The following TRPV4 variants were observed in gnomAD, a reference collection of about 807,000 sequenced individuals.
TRPV4 encodes the protein transient receptor potential cation channel subfamily V member 4.
A neutral mutation model predicts 84.1 loss-of-function variants in TRPV4; 58 were observed. That is an observed-to-expected ratio of 0.69 (90% CI 0.56 to 0.86). TRPV4 has a LOEUF of 0.86. Among genes scored for constraint, TRPV4 ranks in the 40% least tolerant of loss-of-function variants. TRPV4 has a pLI of 0.00. For missense variants in TRPV4, 879 were observed against 1,181.1 expected (o/e 0.74, Z 3.75); for synonymous variants, 489 against 500.9 (o/e 0.98, Z 0.32).
At chr12:109,805,339 G>T (rs1192034683) in intron 3 of TRPV4, among the ~76,000 whole-genome samples, 1 of 152,190 alleles carries the variant, frequency 6.6e-6, no homozygotes, top group Non-Finnish European at 1.5e-5. Context: ...AGAGACCCTG[G>T]ATTCGGGCTT....
intron 8 of TRPV4, 68 bp from the exon 9 acceptor site, chr12:109,794,090 T>G: frequency 1.5e-6 from 2 of 1,361,276 alleles, no homozygotes; most frequent in African/African-American, 1.4e-5. Flanking sequence ...AATCCAGATG[T>G]TCCCCCAGGC....
At position 109,786,974 on chromosome 12, in the gene TRPV4, G is replaced by T; in HGVS notation, c.2209-137C>A. The T allele has an allele frequency of 7.9e-7, 1 of 1,266,928 alleles. No individual in the cohort carries two copies. The highest frequency in any genetic ancestry group is 1.1e-6 in the Non-Finnish European group (1 of 904,092). The allele number at this position is 1,266,928 out of a possible 1,614,324, so 78.5% of individuals were successfully genotyped here. On this transcript the variant is annotated intron_variant, in intron 13 of 15. Coordinates refer to ENST00000261740, the MANE Select transcript of TRPV4 (RefSeq NM_021625.5). This position sits in a 1 kb window ranked among gnomAD's most constrained non-coding sequence, Gnocchi z 4.5. ...AGACTCCTACTCCCCACTAGACACA[G>T]GGTTTATAAACTCAAATACCCACAG...
At position 109,793,363 on chromosome 12, in the gene TRPV4, G is replaced by A; in HGVS notation, c.1658+164C>T. Reference sequence around the variant, plus strand: ...AGCAATCAGAATTTTTCTTGAACCAGAAGACCCTATTGTTTGTGGCTTTGT... The same window carrying A: ...AGCAATCAGAATTTTTCTTGAACCAAAAGACCCTATTGTTTGTGGCTTTGT... On this transcript the variant is annotated intron_variant, in intron 10 of 15. Transcript: ENST00000261740. This position sits in a 1 kb window ranked among gnomAD's most constrained non-coding sequence, Gnocchi z 4.0. 2.9e-6 allele frequency: 2 copies of A among 690,840 alleles called. No homozygotes were observed. The highest frequency in any genetic ancestry group is 5.3e-6 in the Non-Finnish European group (2 of 376,908). The allele number at this position is 690,840 out of a possible 1,614,324, so 42.8% of individuals were successfully genotyped here. A position where few individuals can be genotyped will look rare whatever the true frequency, so the allele number is the denominator to read the frequency against.
At chr12:109,797,654 T>C (rs1890491209) in intron 6 of TRPV4, among the ~76,000 whole-genome samples, 1 of 152,202 alleles carries the variant, frequency 6.6e-6, no homozygotes, top group African/African-American at 2.4e-5. Flanking sequence ...TTCTACTGCC[T>C]CAGGGCCATG....
At chr12:109,804,881 T>C (rs959632930) in intron 3 of TRPV4, among the ~76,000 whole-genome samples, 1 of 152,184 alleles carries the variant, frequency 6.6e-6, no homozygotes, top group Admixed American at 6.5e-5. Flanking sequence ...CAGACTGCAA[T>C]AGACCACGGT....
intron 1 of TRPV4, among the ~76,000 whole-genome samples, chr12:109,818,000 G>C (rs529991336): frequency 6.6e-6 from 1 of 151,898 alleles, no homozygotes. Context: ...TAGGTACTGC[G>C]ATCGTTCCCA....
chr12:109,814,662 G>A lies in TRPV4; in HGVS notation c.135C>T (p.Gly45=), dbSNP rs1275320586. 6.2e-7 allele frequency: 1 copy of A among 1,613,282 alleles called. No individual in the cohort carries two copies. The highest frequency in any genetic ancestry group is 1.7e-5 in the Admixed American group (1 of 59,960). ...SLANLFEGED[G]SLSPSPADAS... ...CATCAGCCGGTGAGGGCGAAAGGGA[G>A]CCATCCTCCCCCTCAAACAGATTGG... The change falls in exon 2 of 16, where the codon GGC becomes GGT. Residue 45 remains glycine, a synonymous_variant. Transcript: ENST00000261740. The surrounding 1 kb of genome is among the most constrained non-coding windows in gnomAD (Gnocchi z 5.4).
At position 109,792,682 on chromosome 12, in the gene TRPV4, C is replaced by T; in HGVS notation, c.1794G>A (p.Leu598=). Residue 598 remains leucine, a synonymous_variant, in exon 11 of 16, where the codon CTG becomes CTA. Coordinates refer to ENST00000261740, the MANE Select transcript of TRPV4 (RefSeq NM_021625.5). ...NALYFTRGLK[L]TGTYSIMIQK... ...GGATCATGATGCTATAGGTCCCCGT[C>T]AGCTTCAGCCCACGGGTGAAGTAAA... is the stretch of plus-strand genomic sequence containing the variant. 6.2e-7 allele frequency: 1 copy of T among 1,614,184 alleles called. No individual in the cohort carries two copies. Among genetic ancestry groups the T allele is most frequent in the Non-Finnish European group, 8.5e-7 (1 of 1,180,040 alleles).
At chr12:109,792,629 C>T in intron 11 of TRPV4, 23 bp downstream of exon 11, 1 of 1,614,042 alleles carries the variant, frequency 6.2e-7, no homozygotes, top group Non-Finnish European at 8.5e-7. Flanking sequence ...CACACGAGTC[C>T]AGAGGGTCCT....
chr12:109,812,039 T>C (rs2136639171), intron 2 of TRPV4, among the ~76,000 whole-genome samples: 1 of 152,218 alleles, frequency 6.6e-6, no homozygotes, highest in Admixed American at 6.5e-5. Context: ...TGCCAAAAGC[T>C]TGTGGAAGTC....
rs944345005 is a variant in TRPV4, at chr12:109,793,281, T to C, written c.1658+246A>G. ...CACTTCAGGCAGACATTAGCAATCA[T>C]TCACCAGCATAAGAGGTTAAAATTA... is the stretch of plus-strand genomic sequence containing the variant. On this transcript the variant is annotated intron_variant, in intron 10 of 15. Coordinates refer to ENST00000261740, the MANE Select transcript of TRPV4 (RefSeq NM_021625.5). This position sits in a 1 kb window ranked among gnomAD's most constrained non-coding sequence, Gnocchi z 4.0. Among the ~76,000 whole-genome samples the C allele has an allele frequency of 1.4e-4, 21 of 152,216 alleles. No homozygotes were observed. Among genetic ancestry groups the C allele is most frequent in the African/African-American group, 5.1e-4 (21 of 41,460 alleles).
Position 109,798,727 on chromosome 12 carries a change from C to G in TRPV4, c.1039G>C (p.Asp347His), listed in dbSNP as rs1006063188. The G allele has an allele frequency of 4.3e-6, 7 of 1,614,102 alleles. No homozygotes were observed. Among genetic ancestry groups the G allele is most frequent in the Non-Finnish European group, 5.9e-6 (7 of 1,180,036 alleles). The change falls in exon 6 of 16, where the codon GAC becomes CAC. Residue 347 changes from aspartate to histidine, a missense_variant. Asp to His is a moderately conservative substitution (Grantham distance 81, BLOSUM62 -1). Coordinates refer to ENST00000261740, the MANE Select transcript of TRPV4 (RefSeq NM_021625.5). This position sits in a 1 kb window ranked among gnomAD's most constrained non-coding sequence, Gnocchi z 5.0. ...ENTKFVTKMY[D>H]LLLLKCARLF... ...CGGGCACACTTGAGCAGCAGCAGGTCGTACATCTTGGTAACAAACTTGGTG... is the reference window on the plus strand; with the variant it reads ...CGGGCACACTTGAGCAGCAGCAGGTGGTACATCTTGGTAACAAACTTGGTG...
chr12:109,798,594 GC>G lies in TRPV4; in HGVS notation c.1152+19del. On this transcript the variant is annotated intron_variant, in intron 6 of 15. Coordinates refer to ENST00000261740, the MANE Select transcript of TRPV4 (RefSeq NM_021625.5). The surrounding 1 kb of genome is among the most constrained non-coding windows in gnomAD (Gnocchi z 5.0). Reference sequence around the variant, plus strand: ...GGGTACGAGTAGGTGGATCAGCTGTGCCCCCAGCCGCACACTCACCCCAATC... The same window carrying G: ...GGGTACGAGTAGGTGGATCAGCTGTGCCCCAGCCGCACACTCACCCCAATC... 1 of 1,608,272 alleles carries G rather than the reference GC, an allele frequency of 6.2e-7. No individual in the cohort carries two copies.
chr12:109,832,832 G>C lies in TRPV4; in HGVS notation c.-32+518C>G, dbSNP rs530667972. ...CCCAGGAGCCACCCGCCCCCGGGAC[G>C]TCCTGAGAGTCCAGGGCAGAACTAG... On this transcript the variant is annotated intron_variant, in intron 1 of 15. Coordinates refer to ENST00000261740, the MANE Select transcript of TRPV4 (RefSeq NM_021625.5). 4 of 136,084 alleles carry C rather than the reference G, an allele frequency of 2.9e-5. No individual in the cohort carries two copies. In the South Asian group the frequency reaches 1.1e-3, roughly 36 times the overall value. The allele number at this position is 136,084 out of a possible 1,614,324, so 8.4% of individuals were successfully genotyped here.
intron 3 of TRPV4, among the ~76,000 whole-genome samples, chr12:109,804,629 C>T (rs528505383): frequency 6.6e-6 from 1 of 152,308 alleles, no homozygotes; most frequent in African/African-American, 2.4e-5. Context: ...CTCAAGAGAC[C>T]TGAATTCTAG....
Position 109,796,663 on chromosome 12 carries a change from G to A in TRPV4, c.1194C>T (p.Asp398=). ...TGAACTTGCGGGACAGGTGCCGTGT[G>A]TCCTCATCCGTCACCTCCCGCCGGA... ...HIIRREVTDE[D]TRHLSRKFKD... Residue 398 remains aspartate, a synonymous_variant, in exon 7 of 16, where the codon GAC becomes GAT. Transcript: ENST00000261740. The surrounding 1 kb of genome is among the most constrained non-coding windows in gnomAD (Gnocchi z 4.2). 6.2e-7 allele frequency: 1 copy of A among 1,613,880 alleles called. No homozygotes were observed. The highest frequency in any genetic ancestry group is 8.5e-7 in the Non-Finnish European group (1 of 1,179,780).
chr12:109,811,441 TGAG>T (rs1255603201), intron 2 of TRPV4, among the ~76,000 whole-genome samples: 1 of 152,154 alleles, frequency 6.6e-6, no homozygotes, highest in Non-Finnish European at 1.5e-5. Context: ...GCAGGTCACT[TGAG>T]GACAGTAGTT....
At chr12:109,823,643 G>A (rs1353274036) in intron 1 of TRPV4, among the ~76,000 whole-genome samples, 1 of 152,208 alleles carries the variant, frequency 6.6e-6, no homozygotes, top group Non-Finnish European at 1.5e-5. Context: ...GTTGTTGCCA[G>A]GGGCTGGGAG....
intron 2 of TRPV4, among the ~76,000 whole-genome samples, chr12:109,809,131 CCCAT>C (rs1891346647): frequency 6.7e-6 from 1 of 148,260 alleles, no homozygotes; most frequent in Admixed American, 6.7e-5. Flanking sequence ...CACCTACCCA[CCCAT>C]CCATCCATTC....
Sources: gnomAD v4.1 joint callset for allele counts (sites outside exome capture counted in the v4.1 genomes callset) on GRCh38, gnomAD v4.1.1 for gene constraint, Gnocchi (gnomAD v3.1) non-coding constraint, MANE v1.5 for transcripts, NCBI Gene and HGNC (gene_info 2026-07-23, HGNC 2026-07-21) for gene names.